The following ATP10B variants were observed in gnomAD, a reference collection of about 807,000 sequenced individuals.
ATP10B encodes the protein ATPase phospholipid transporting 10B (putative).
ATP10B carries 122 observed loss-of-function variants against 141.2 expected under a neutral mutation model. The ratio of observed to expected loss-of-function variants is 0.86; its 90% confidence interval spans 0.75 to 1.00. The LOEUF is 1.00. Ranked by LOEUF, ATP10B falls within the 50% of genes least tolerant of loss-of-function variation. ATP10B has a pLI of 0.00. For missense variants in ATP10B, 1,876 were observed against 1,825.3 expected (o/e 1.03, Z -0.51); for synonymous variants, 685 against 692.0 (o/e 0.99, Z 0.16).
chr5:160,718,723 C>T (rs191946313), intron 2 of ATP10B, among the ~76,000 whole-genome samples: 1 of 152,300 alleles, frequency 6.6e-6, no homozygotes, highest in African/African-American at 2.4e-5. Flanking sequence ...ATAGCAAGAA[C>T]TCACTCACTA....
the ATP10B span, among the ~76,000 whole-genome samples, chr5:160,876,679 A>G: frequency 6.6e-6 from 1 of 152,070 alleles, no homozygotes; most frequent in Non-Finnish European, 1.5e-5. Context: ...TCAAATAGAC[A>G]CAATAAAAAA....
At chr5:160,895,835 C>A in the ATP10B span, among the ~76,000 whole-genome samples, 1 of 152,062 alleles carries the variant, frequency 6.6e-6, no homozygotes, top group African/African-American at 2.4e-5. Context: ...GAACGGAAAT[C>A]ATAACAAACA....
At chr5:160,866,988 T>A in the ATP10B span, among the ~76,000 whole-genome samples, 1 of 152,122 alleles carries the variant, frequency 6.6e-6, no homozygotes, top group Non-Finnish European at 1.5e-5. Context: ...AGTGTAGTAT[T>A]GTGGCTAGGA....
At chr5:160,918,385 A>G in the ATP10B span, among the ~76,000 whole-genome samples, 1 of 152,234 alleles carries the variant, frequency 6.6e-6, no homozygotes, top group Non-Finnish European at 1.5e-5. Context: ...CCGTGTGGCA[A>G]TCACAGAATT....
intron 2 of ATP10B, among the ~76,000 whole-genome samples, chr5:160,765,351 G>A (rs551128656): frequency 1.3e-5 from 2 of 152,228 alleles, no homozygotes; most frequent in South Asian, 4.1e-4. Flanking sequence ...TACCAAAACA[G>A]CATGGTACTC....
chr5:160,831,851 A>C (rs555111237), intron 1 of ATP10B, among the ~76,000 whole-genome samples: 2 of 152,256 alleles, frequency 1.3e-5, no homozygotes, highest in East Asian at 3.9e-4. Context: ...AGATGTGTGG[A>C]AAACACTGGT....
intron 1 of ATP10B, among the ~76,000 whole-genome samples, chr5:160,813,364 G>A (rs1355749253): frequency 6.6e-6 from 1 of 152,104 alleles, no homozygotes; most frequent in Non-Finnish European, 1.5e-5. Context: ...AGGGTCCTAC[G>A]CCCACAGAGC....
intron 3 of ATP10B, among the ~76,000 whole-genome samples, chr5:160,703,349 T>C (rs902040522): frequency 2.6e-5 from 4 of 152,338 alleles, no homozygotes; most frequent in Non-Finnish European, 5.9e-5. Flanking sequence ...TTGTGTGCAA[T>C]AGCATTATGT....
At chr5:160,687,539 G>A (rs1014345085) in intron 5 of ATP10B, among the ~76,000 whole-genome samples, 11 of 152,116 alleles carry the variant, frequency 7.2e-5, no homozygotes, top group Non-Finnish European at 1.0e-4. Flanking sequence ...TGAGGCAGGC[G>A]GATCACTGGA....
chr5:160,593,188 C>T (rs1756441995), intron 22 of ATP10B, among the ~76,000 whole-genome samples: 1 of 152,194 alleles, frequency 6.6e-6, no homozygotes, highest in Admixed American at 6.5e-5. Context: ...AGACTGACAC[C>T]TCACATGGCC....
intron 7 of ATP10B, among the ~76,000 whole-genome samples, chr5:160,658,682 A>G (rs1761675048): frequency 2.0e-5 from 3 of 152,202 alleles, no homozygotes; most frequent in Admixed American, 6.5e-5. Context: ...GAAGGTTGCT[A>G]GACCCTCTCT....
At chr5:160,593,130 C>T (rs1305476588) in intron 22 of ATP10B, among the ~76,000 whole-genome samples, 19 of 152,234 alleles carry the variant, frequency 1.2e-4, no homozygotes, top group Admixed American at 1.2e-3. Context: ...GGTCCGTGAC[C>T]CCTGACCCCT....
rs1207583261 is a variant in ATP10B at position 160,814,229 on chromosome 5, C to A, written c.-575-28426G>T. The stretch of plus-strand genomic sequence containing the variant: ...GAACCCATGGCAAAGAAGTTAAAAA[C>A]CTTCAAAAAAAAAATTAGATGAATG... On this transcript the variant is annotated intron_variant, in intron 1 of 25. Coordinates refer to ENST00000327245, the MANE Select transcript of ATP10B (RefSeq NM_025153.3). Among the ~76,000 whole-genome samples the A allele has an allele frequency of 2.0e-5, 3 of 151,778 alleles. No homozygotes were observed. In the East Asian group the frequency reaches 5.8e-4, roughly 29 times the overall value.
At chr5:160,610,002 A>G (rs1757624578) in intron 18 of ATP10B, among the ~76,000 whole-genome samples, 1 of 152,168 alleles carries the variant, frequency 6.6e-6, no homozygotes, top group Non-Finnish European at 1.5e-5. Flanking sequence ...AATAATTACC[A>G]TTCACTGAAC....
intron 2 of ATP10B, among the ~76,000 whole-genome samples, chr5:160,765,289 A>C (rs1769320059): frequency 6.6e-6 from 1 of 152,160 alleles, no homozygotes; most frequent in Admixed American, 6.5e-5. Context: ...AAAAAGAACA[A>C]ATCTGGAGAC....
intron 8 of ATP10B, among the ~76,000 whole-genome samples, chr5:160,647,299 G>A (rs944925291): frequency 9.2e-5 from 14 of 152,198 alleles, no homozygotes; most frequent in African/African-American, 3.4e-4. Context: ...CCATCTGTGG[G>A]TGCCAGGCCT....
chr5:160,702,787 A>G (rs186136121), intron 3 of ATP10B, among the ~76,000 whole-genome samples: 7 of 152,330 alleles, frequency 4.6e-5, no homozygotes, highest in Non-Finnish European at 5.9e-5. Context: ...TGGCCAAGAT[A>G]CTTGTAACAG....
intron 22 of ATP10B, among the ~76,000 whole-genome samples, chr5:160,593,318 G>A (rs1211218020): frequency 4.6e-5 from 7 of 152,230 alleles, no homozygotes; most frequent in African/African-American, 1.7e-4. Flanking sequence ...GGTCTGGATT[G>A]GACCTCTAGC....
chr5:160,786,489 T>C (rs974176362), intron 1 of ATP10B, among the ~76,000 whole-genome samples: 7 of 152,158 alleles, frequency 4.6e-5, no homozygotes, highest in African/African-American at 1.7e-4. Flanking sequence ...TTTCACTTCA[T>C]AGAGTATGAA....
Sources: gnomAD v4.1 joint callset for allele counts (sites outside exome capture counted in the v4.1 genomes callset) on GRCh38, gnomAD v4.1.1 for gene constraint, MANE v1.5 for transcripts, NCBI Gene and HGNC (gene_info 2026-07-23, HGNC 2026-07-21) for gene names.